The following TRAPPC9 variants were observed in gnomAD, a reference collection of about 807,000 sequenced individuals.
The protein encoded by TRAPPC9 is trafficking protein particle complex subunit 9.
TRAPPC9 carries 83 observed loss-of-function variants against 124.0 expected under a neutral mutation model. That is an observed-to-expected ratio of 0.67 (90% confidence interval 0.56 to 0.80). TRAPPC9 has a LOEUF of 0.80. TRAPPC9 is among the 30% of genes least tolerant of loss of function. The pLI is 0.00. For synonymous variants in TRAPPC9, 638 were observed against 617.5 expected (o/e 1.03, Z -0.49); for missense variants, 1,302 against 1,508.3 (o/e 0.86, Z 2.27).
intron 11 of TRAPPC9, among the ~76,000 whole-genome samples, chr8:140,293,589 A>G (rs914496284): frequency 2.0e-5 from 3 of 152,300 alleles, no homozygotes; most frequent in African/African-American, 7.2e-5. Flanking sequence ...ATTGGAAATC[A>G]TCATTCTCAG....
chr8:140,272,368 G>GGTGT (rs1563904359), intron 15 of TRAPPC9, among the ~76,000 whole-genome samples: 5 of 141,622 alleles, frequency 3.5e-5, no homozygotes, highest in African/African-American at 1.5e-4. Flanking sequence ...TGGTGGTAGT[G>GGTGT]AGGGTGGTGG....
chr8:140,349,371 GGGA>G (rs552316901), intron 9 of TRAPPC9, among the ~76,000 whole-genome samples: 5,131 of 100,632 alleles, frequency 0.051, 273 homozygotes, highest in Middle Eastern at 0.12. Context: ...GGGCGCGCGA[GGGA>G]AGGGCACACA....
intron 17 of TRAPPC9, among the ~76,000 whole-genome samples, chr8:140,138,690 G>C (rs952224837): frequency 3.3e-5 from 5 of 152,182 alleles, no homozygotes; most frequent in African/African-American, 1.2e-4. Context: ...TTGTCCACTC[G>C]CAGTATAAAC....
Position 140,360,060 on chromosome 8 carries a change from C to A in TRAPPC9, c.1485G>T (p.Leu495Phe). Residue 495 changes from leucine to phenylalanine, a missense_variant, in exon 9 of 23, where the codon TTG becomes TTT. By Grantham distance (22) the Leu-to-Phe change is conservative. This residue lies in a region of TRAPPC9 where 657 missense variants were observed against 811.2 expected (regional missense o/e 0.81). Transcript: ENST00000438773. ...TTTGAGCTCACTCACCCTGATCCGA[C>A]AAGAAGTCCAGCATGGTCTGTAGAA... is the stretch of plus-strand genomic sequence containing the variant. ...SFLLQTMLDFLSDQEKKDVAQ... is the reference protein window; with the variant it reads ...SFLLQTMLDFFSDQEKKDVAQ... The A allele has an allele frequency of 6.2e-7, 1 of 1,614,118 alleles. No homozygotes were observed. Among genetic ancestry groups the A allele is most frequent in the Non-Finnish European group, 8.5e-7 (1 of 1,180,010 alleles).
At chr8:140,220,581 A>G (rs578188494) in intron 17 of TRAPPC9, among the ~76,000 whole-genome samples, 1 of 152,314 alleles carries the variant, frequency 6.6e-6, no homozygotes, top group East Asian at 1.9e-4. Context: ...TCCATCAACC[A>G]GAACTGGCCT....
intron 9 of TRAPPC9, among the ~76,000 whole-genome samples, chr8:140,340,281 G>A (rs2067157861): frequency 6.6e-6 from 1 of 152,234 alleles, no homozygotes; most frequent in Admixed American, 6.5e-5. Flanking sequence ...CACCTGCAGA[G>A]AAACAATCTT....
intron 16 of TRAPPC9, among the ~76,000 whole-genome samples, chr8:140,229,245 CTT>C (rs2063527047): frequency 1.1e-5 from 1 of 90,792 alleles, no homozygotes; most frequent in Non-Finnish European, 2.0e-5. Flanking sequence ...CGTATGTTTT[CTT>C]TTTCTTTTTT....
chr8:139,975,422 G>T (rs1315161853), intron 19 of TRAPPC9, among the ~76,000 whole-genome samples: 1 of 152,186 alleles, frequency 6.6e-6, no homozygotes, highest in African/African-American at 2.4e-5. Flanking sequence ...CCCAGGTGAT[G>T]GTGCTGCTGC....
intron 17 of TRAPPC9, among the ~76,000 whole-genome samples, chr8:140,041,920 G>A (rs1233478442): frequency 6.6e-6 from 1 of 151,802 alleles, no homozygotes; most frequent in African/African-American, 2.4e-5. Context: ...GCAGTGAGCT[G>A]AGATCGCACC....
At chr8:140,027,045 G>A (rs981659184) in intron 17 of TRAPPC9, among the ~76,000 whole-genome samples, 4 of 152,156 alleles carry the variant, frequency 2.6e-5, no homozygotes, top group African/African-American at 7.2e-5. Context: ...GGTGAGACTC[G>A]ACACACACAC....
intron 5 of TRAPPC9, among the ~76,000 whole-genome samples, chr8:140,409,140 A>C (rs1008857916): frequency 3.3e-5 from 5 of 152,184 alleles, no homozygotes; most frequent in African/African-American, 1.2e-4. Flanking sequence ...CACAACTAAA[A>C]ATCCAACAGA....
At chr8:139,985,400 TGCA>T (rs1837180219) in intron 19 of TRAPPC9, among the ~76,000 whole-genome samples, 1 of 152,230 alleles carries the variant, frequency 6.6e-6, no homozygotes. Flanking sequence ...CAGTTCCCTA[TGCA>T]GCAGCACTGG....
At chr8:140,238,319 G>C (rs1312701084) in intron 16 of TRAPPC9, 1 of 152,198 alleles carries the variant, frequency 6.6e-6, no homozygotes, top group African/African-American at 2.4e-5. Flanking sequence ...GGCTAACAGT[G>C]GCTAGGGAGA....
chr8:140,356,293 A>G (rs1379464347), intron 9 of TRAPPC9, among the ~76,000 whole-genome samples: 7 of 152,228 alleles, frequency 4.6e-5, no homozygotes, highest in Admixed American at 3.3e-4. Context: ...ACGTGTAAAC[A>G]TCAACCTCCG....
chr8:139,882,236 C>T (rs1829718340), intron 21 of TRAPPC9, among the ~76,000 whole-genome samples: 1 of 152,182 alleles, frequency 6.6e-6, no homozygotes, highest in Non-Finnish European at 1.5e-5. Context: ...TGTCATTTCA[C>T]TTTGATTCTG....
At chr8:140,370,872 C>T in intron 8 of TRAPPC9, 92 bp downstream of exon 8, 1 of 1,452,550 alleles carries the variant, frequency 6.9e-7, no homozygotes, top group Non-Finnish European at 9.6e-7. Flanking sequence ...CAGCACCAAC[C>T]ACGATGTCTG....
chr8:139,997,788 A>G (rs1838123933), intron 18 of TRAPPC9, among the ~76,000 whole-genome samples: 1 of 134,226 alleles, frequency 7.5e-6, no homozygotes, highest in Non-Finnish European at 1.6e-5. Context: ...TGCATCCTAC[A>G]CAGGGAGACA....
At chr8:140,064,552 C>T (rs1475207797) in intron 17 of TRAPPC9, among the ~76,000 whole-genome samples, 1 of 152,114 alleles carries the variant, frequency 6.6e-6, no homozygotes, top group African/African-American at 2.4e-5. Flanking sequence ...CCCCTGCAGG[C>T]GCACAGGGTC....
intron 17 of TRAPPC9, among the ~76,000 whole-genome samples, chr8:140,064,750 G>C (rs1337703458): frequency 6.6e-6 from 1 of 152,128 alleles, no homozygotes; most frequent in Non-Finnish European, 1.5e-5. Context: ...CTGGCAATAG[G>C]ATCTCTAGGA....
Sources: allele counts gnomAD v4.1 joint callset (sites outside exome capture counted in the v4.1 genomes callset), GRCh38; gene constraint gnomAD v4.1.1; regional missense constraint gnomAD v4.1.1; transcripts MANE v1.5; gene names NCBI Gene and HGNC (gene_info 2026-07-23, HGNC 2026-07-21).